Variants in PTPRA observed in about 807,000 individuals in gnomAD.
The protein encoded by PTPRA is protein tyrosine phosphatase receptor type A.
Under a neutral mutation model 104.8 loss-of-function variants are expected in PTPRA, and 25 were observed. The observed-to-expected ratio is 0.24, with a 90% confidence interval of 0.17 to 0.33. The LOEUF is 0.33. Ranked by LOEUF, PTPRA falls within the 10% of genes least tolerant of loss-of-function variation. The probability of loss-of-function intolerance (pLI) is 1.00; values close to 1 mark genes in which losing one functional copy is unlikely to be tolerated. For missense variants in PTPRA, 765 were observed against 1,015.3 expected (o/e 0.75, Z 3.35); for synonymous variants, 323 against 368.9 (o/e 0.88, Z 1.43).
chr20:2,884,555 C>T (rs760171330), intron 1 of PTPRA, among the ~76,000 whole-genome samples: 10 of 151,978 alleles, frequency 6.6e-5, no homozygotes, highest in Non-Finnish European at 1.3e-4. Context: ...GTGCTGTTGG[C>T]CGTTTATGTA....
chr20:3,012,368 G>T (rs2064216369), intron 11 of PTPRA, among the ~76,000 whole-genome samples: 1 of 152,218 alleles, frequency 6.6e-6, no homozygotes, highest in African/African-American at 2.4e-5. Context: ...ACTACGTGGA[G>T]GTAGAATTTA....
At chr20:2,909,766 ATATAT>A (rs890378259) in intron 1 of PTPRA, among the ~76,000 whole-genome samples, 11 of 139,418 alleles carry the variant, frequency 7.9e-5, no homozygotes, top group South Asian at 6.3e-4. Context: ...AATATATAAT[ATATAT>A]TATAAGATAA....
intron 3 of PTPRA, among the ~76,000 whole-genome samples, chr20:2,963,359 C>T (rs898067399): frequency 6.6e-6 from 1 of 151,980 alleles, no homozygotes; most frequent in Non-Finnish European, 1.5e-5. Flanking sequence ...CCCAGCACTT[C>T]GGGAGGCTGA....
At chr20:2,978,286 A>G (rs552199410) in intron 6 of PTPRA, among the ~76,000 whole-genome samples, 1 of 152,322 alleles carries the variant, frequency 6.6e-6, no homozygotes, top group Admixed American at 6.5e-5. Flanking sequence ...ATTTGGCTCA[A>G]AACAACGGTG....
In PTPRA at chr20:3,038,362, T is replaced by C. The variant is rs958555840; in HGVS notation, c.*229T>C. 8 of 442,618 alleles carry C rather than the reference T, an allele frequency of 1.8e-5. No individual in the cohort carries two copies. The highest frequency in any genetic ancestry group is 8.5e-5 in the East Asian group (2 of 23,560). 27.4% of individuals were successfully genotyped at this position (442,618 alleles called of 1,614,324 possible). On this transcript the variant is annotated 3_prime_UTR_variant, in exon 24 of 24. Transcript: ENST00000399903. ...AAATAGTGTGATGTTTGGATTGATA[T>C]CGTGAAATCCTCAGCCGAGAAATTG... is the stretch of plus-strand genomic sequence containing the variant.
chr20:2,889,227 C>T (rs1338331973), intron 1 of PTPRA, among the ~76,000 whole-genome samples: 5 of 152,114 alleles, frequency 3.3e-5, no homozygotes, highest in African/African-American at 9.7e-5. Flanking sequence ...TAAGCATAGG[C>T]ATTTTGTATA....
chr20:3,017,854 A>G lies in PTPRA; in HGVS notation c.982A>G (p.Ile328Val), dbSNP rs748424332. The G allele has an allele frequency of 1.2e-6, 2 of 1,614,228 alleles. No individual in the cohort carries two copies. Among genetic ancestry groups the G allele is most frequent in the South Asian group, 2.2e-5 (2 of 91,078 alleles). ...AACGGTGAATGATTTCTGGCGGATG[A>G]TCTGGGAACAAAACACAGCCACCAT... ...EETVNDFWRMIWEQNTATIVM... is the reference protein window; with the variant it reads ...EETVNDFWRMVWEQNTATIVM... Residue 328 changes from isoleucine to valine, a missense_variant, in exon 13 of 24, where the codon ATC (isoleucine) becomes GTC (valine). Ile to Val is a conservative substitution (Grantham distance 29). Transcript: ENST00000399903.
chr20:2,998,654 T>C (rs1320587532), intron 9 of PTPRA, among the ~76,000 whole-genome samples: 1 of 152,138 alleles, frequency 6.6e-6, no homozygotes, highest in East Asian at 1.9e-4. Context: ...CCTTGGAAGG[T>C]AGTAAATTTC....
At chr20:2,980,568 G>A (rs994013387) in intron 6 of PTPRA, among the ~76,000 whole-genome samples, 2 of 151,656 alleles carry the variant, frequency 1.3e-5, no homozygotes, top group Admixed American at 6.6e-5. Context: ...AAAAAAAAAC[G>A]CAATGCAGCA....
chr20:3,025,651 C>T (rs769818490), intron 17 of PTPRA, among the ~76,000 whole-genome samples: 1 of 151,612 alleles, frequency 6.6e-6, no homozygotes, highest in African/African-American at 2.4e-5. Context: ...AGGCAGATCA[C>T]CTGAGCTCAG....
At chr20:3,027,024 G>T in intron 18 of PTPRA, 97 bp from the exon 19 acceptor site, 1 of 1,315,106 alleles carries the variant, frequency 7.6e-7, no homozygotes. Flanking sequence ...TTGCCCAGCT[G>T]GGATTCTGTC....
chr20:2,969,863 T>C (rs562307581), intron 5 of PTPRA, among the ~76,000 whole-genome samples: 10 of 151,634 alleles, frequency 6.6e-5, no homozygotes, highest in African/African-American at 2.4e-4. Context: ...CCAGCTACTC[T>C]GGAGGCTGAG....
intron 5 of PTPRA, among the ~76,000 whole-genome samples, chr20:2,972,022 C>T (rs903608634): frequency 7.2e-5 from 11 of 151,874 alleles, no homozygotes; most frequent in Non-Finnish European, 1.6e-4. Context: ...TTAGTAGAGA[C>T]GTGGTTTCAC....
Position 3,028,676 on chromosome 20 carries a change from T to C in PTPRA, c.1920+835T>C, listed in dbSNP as rs2065266407. Reference sequence around the variant, plus strand: ...GGTTCACTATGTCTGGGGTGTCACTTAGCAGGGATGAGAATCTAGAGAATG... The same window carrying C: ...GGTTCACTATGTCTGGGGTGTCACTCAGCAGGGATGAGAATCTAGAGAATG... On this transcript the variant is annotated intron_variant, in intron 20 of 23. Coordinates refer to ENST00000399903, the MANE Select transcript of PTPRA (RefSeq NM_001385305.1). 2.0e-5 allele frequency among the ~76,000 whole-genome samples: 3 copies of C among 152,204 alleles called. No individual in the cohort carries two copies. The South Asian group carries it at 6.2e-4, about 31-fold the overall frequency.
chr20:2,972,893 AT>A lies in PTPRA; in HGVS notation c.416-2315del, dbSNP rs539454822. 5.8e-4 allele frequency among the ~76,000 whole-genome samples: 88 copies of A among 151,094 alleles called. 1 individual carries two copies. Among genetic ancestry groups the A allele is most frequent in the African/African-American group, 1.8e-3 (76 of 41,124 alleles). On this transcript the variant is annotated intron_variant, in intron 5 of 23. Transcript: ENST00000399903. ...CCACCATGCCCAGCTAATTTTTTGT[AT>A]TTTTTTGTAGAGATGGGGTTTCGCC...
chr20:2,964,082 TAGTC>T (rs1261449843), intron 3 of PTPRA, among the ~76,000 whole-genome samples, 186 bp from the exon 4 acceptor site: 2 of 152,140 alleles, frequency 1.3e-5, no homozygotes, highest in Non-Finnish European at 2.9e-5. Context: ...AGATAAGGGA[TAGTC>T]AGTCTTTATA....
rs148824809 is a variant in PTPRA, at chr20:2,952,685, A to G, written c.-7+4661A>G. On this transcript the variant is annotated intron_variant, in intron 3 of 23. Coordinates refer to ENST00000399903, the MANE Select transcript of PTPRA (RefSeq NM_001385305.1). Reference sequence around the variant, plus strand: ...CTCTGGAACTTTTTCATCCTCCCTGACTGAAATTCTGTACCCATTTAAACA... The same window carrying G: ...CTCTGGAACTTTTTCATCCTCCCTGGCTGAAATTCTGTACCCATTTAAACA... 2.3e-4 allele frequency among the ~76,000 whole-genome samples: 35 copies of G among 152,274 alleles called. No individual in the cohort carries two copies. The East Asian group carries it at 5.6e-3, about 24-fold the overall frequency.
intron 13 of PTPRA, 28 bp from the exon 14 acceptor site, chr20:3,021,281 C>T: frequency 1.2e-6 from 2 of 1,613,198 alleles, no homozygotes; most frequent in Admixed American, 1.7e-5. Context: ...GGTCTAAGGT[C>T]AGGGAATGTA....
chr20:2,899,519 A>G (rs1005072930), intron 1 of PTPRA, among the ~76,000 whole-genome samples: 2 of 152,072 alleles, frequency 1.3e-5, no homozygotes, highest in Non-Finnish European at 2.9e-5. Flanking sequence ...GAGAAACACA[A>G]ATGTTGAGAT....
Sources: allele counts gnomAD v4.1 joint callset (sites outside exome capture counted in the v4.1 genomes callset), GRCh38; gene constraint gnomAD v4.1.1; transcripts MANE v1.5; gene names NCBI Gene and HGNC (gene_info 2026-07-23, HGNC 2026-07-21).